ATP6V1E2: variants seen among roughly 807,000 people sequenced by gnomAD.
The protein encoded by ATP6V1E2 is V-type proton ATPase subunit E 2.
For missense variants in ATP6V1E2, 308 were observed against 273.3 expected (o/e 1.13, Z -0.90); for synonymous variants, 121 against 104.2 (o/e 1.16, Z -0.98).
chr2:46,521,833 G>C (rs954026422), intron 4 of ATP6V1E2, among the ~76,000 whole-genome samples: 1 of 152,068 alleles, frequency 6.6e-6, no homozygotes, highest in Non-Finnish European at 1.5e-5. Context: ...TGGGACTACA[G>C]GTGCATGCCA....
intron 4 of ATP6V1E2, among the ~76,000 whole-genome samples, chr2:46,523,282 T>C (rs2103871756): frequency 6.6e-6 from 1 of 152,354 alleles, no homozygotes; most frequent in Middle Eastern, 3.4e-3. Context: ...GCAATTGCTT[T>C]TGGCATTTTT....
intron 2 of ATP6V1E2, chr2:46,537,559 CAT>C (rs937401880): frequency 2.0e-5 from 3 of 149,824 alleles, no homozygotes; most frequent in African/African-American, 7.4e-5. Flanking sequence ...AAAGTTGACT[CAT>C]AGAGAAGAAG....
intron 4 of ATP6V1E2, among the ~76,000 whole-genome samples, chr2:46,529,752 C>G (rs1356839050): frequency 6.7e-6 from 1 of 149,746 alleles, no homozygotes; most frequent in Admixed American, 6.8e-5. Context: ...TGACATCTGT[C>G]TTTAATGATG....
At chr2:46,531,638 C>T (rs953611933) in intron 4 of ATP6V1E2, among the ~76,000 whole-genome samples, 2 of 152,280 alleles carry the variant, frequency 1.3e-5, no homozygotes, top group Middle Eastern at 3.4e-3. Context: ...TTTTACGTTC[C>T]CACCAGCAAT....
rs1475781421 is a variant in ATP6V1E2 at position 46,522,606 on chromosome 2, G to A, written c.-101-9794C>T. Among the ~76,000 whole-genome samples, 3 of 152,194 alleles carry A rather than the reference G, an allele frequency of 2.0e-5. No individual in the cohort carries two copies. The East Asian group carries it at 5.8e-4, about 29-fold the overall frequency. ...TTATGGCTGCATAGTATTCCATGGT[G>A]TGTATGTACTACATTTTCTTTATCC... On this transcript the variant is annotated intron_variant, in intron 4 of 4. Transcript: ENST00000522587.
intron 4 of ATP6V1E2, among the ~76,000 whole-genome samples, chr2:46,522,954 T>C (rs1316725890): frequency 6.6e-6 from 1 of 152,246 alleles, no homozygotes; most frequent in Admixed American, 6.5e-5. Flanking sequence ...TGAGATGGTA[T>C]CTCATTGTGG....
chr2:46,538,623 G>A (rs942238086), intron 2 of ATP6V1E2, among the ~76,000 whole-genome samples: 3 of 151,992 alleles, frequency 2.0e-5, no homozygotes, highest in African/African-American at 7.2e-5. Context: ...TTGTGATGGG[G>A]GAGTAGTGGT....
chr2:46,516,649 C>T (rs777979884), intron 4 of ATP6V1E2, among the ~76,000 whole-genome samples: 6 of 151,664 alleles, frequency 4.0e-5, no homozygotes, highest in Non-Finnish European at 8.8e-5. Context: ...TATCTTGAGA[C>T]CAAATGAAAA....
chr2:46,532,758 G>T (rs188518996), intron 4 of ATP6V1E2, among the ~76,000 whole-genome samples: 2 of 152,182 alleles, frequency 1.3e-5, no homozygotes, highest in African/African-American at 2.4e-5. Flanking sequence ...GCCCTCACCA[G>T]ATGCCAAATC....
intron 4 of ATP6V1E2, among the ~76,000 whole-genome samples, chr2:46,516,844 A>T (rs533680350): frequency 5.9e-5 from 9 of 152,336 alleles, no homozygotes; most frequent in African/African-American, 2.2e-4. Context: ...AAAACAAATA[A>T]ATGGAAAGAC....
intron 3 of ATP6V1E2, among the ~76,000 whole-genome samples, chr2:46,536,363 C>T: frequency 6.6e-6 from 1 of 152,210 alleles, no homozygotes. Context: ...GTGTTTAACT[C>T]ATTGCAGTGT....
At chr2:46,518,758 TTGTGTGTGTGTGTGTGTGTG>T (rs70940621) in intron 4 of ATP6V1E2, among the ~76,000 whole-genome samples, 27 of 140,716 alleles carry the variant, frequency 1.9e-4, no homozygotes, top group African/African-American at 6.1e-4. Context: ...CAAGTCAATT[TTGTGTGTGTGTGTGTGTGTG>T]TGTGTGTGTG....
intron 4 of ATP6V1E2, among the ~76,000 whole-genome samples, chr2:46,522,323 GT>G (rs1197206419): frequency 6.7e-6 from 1 of 149,748 alleles, no homozygotes; most frequent in East Asian, 2.0e-4. Flanking sequence ...GTGCAGGTTT[GT>G]TACACAGGTA....
intron 4 of ATP6V1E2, among the ~76,000 whole-genome samples, chr2:46,529,277 G>A (rs1667069137): frequency 6.6e-6 from 1 of 152,230 alleles, no homozygotes; most frequent in South Asian, 2.1e-4. Flanking sequence ...TTTGCTGTTA[G>A]ACACAGCTCA....
At chr2:46,518,758 T>TTGTGTGTGTGTGTGTGTGTG (rs70940621) in intron 4 of ATP6V1E2, among the ~76,000 whole-genome samples, 5 of 140,618 alleles carry the variant, frequency 3.6e-5, no homozygotes, top group East Asian at 2.0e-4. Flanking sequence ...CAAGTCAATT[T>TTGTGTGTGTGTGTGTGTGTG]TGTGTGTGTG....
intron 4 of ATP6V1E2, among the ~76,000 whole-genome samples, chr2:46,515,163 A>T (rs945395403): frequency 6.6e-6 from 1 of 152,240 alleles, no homozygotes; most frequent in African/African-American, 2.4e-5. Context: ...ACAGAAGGCC[A>T]CTAGACAGCA....
chr2:46,534,571 T>C (rs910434790), intron 4 of ATP6V1E2: 1 of 152,228 alleles, frequency 6.6e-6, no homozygotes, highest in Admixed American at 6.5e-5. Context: ...TATTTGCATA[T>C]CTAGTATTTT....
chr2:46,531,711 T>A (rs1667189398), intron 4 of ATP6V1E2, among the ~76,000 whole-genome samples: 2 of 152,200 alleles, frequency 1.3e-5, no homozygotes, highest in South Asian at 4.1e-4. Context: ...CACCCCTAAT[T>A]ATAGCCATCC....
rs114013955 is a variant in ATP6V1E2 at position 46,532,671 on chromosome 2, C to T, written c.-102+3142G>A. 3.0e-3 allele frequency among the ~76,000 whole-genome samples: 453 copies of T among 152,222 alleles called. 6 individuals are homozygous for T. Among genetic ancestry groups the T allele is most frequent in the African/African-American group, 0.01 (426 of 41,510 alleles). ...GTTTTAACCCCCTTTTCCCTTCTAC[C>T]ATGTGAGGTCATAGTGTTTGTTCCT... is the stretch of plus-strand genomic sequence containing the variant. On this transcript the variant is annotated intron_variant, in intron 4 of 4. Transcript: ENST00000522587.
Sources: allele counts gnomAD v4.1 joint callset (sites outside exome capture counted in the v4.1 genomes callset), GRCh38; gene constraint gnomAD v4.1.1; transcripts MANE v1.5; gene names NCBI Gene and HGNC (gene_info 2026-07-23, HGNC 2026-07-21).